LRP1B: variants seen among roughly 807,000 people sequenced by gnomAD.
LRP1B encodes the protein low-density lipoprotein receptor-related protein 1B.
A neutral mutation model predicts 556.6 loss-of-function variants in LRP1B; 217 were observed. The ratio of observed to expected loss-of-function variants is 0.39; its 90% CI spans 0.35 to 0.44. The LOEUF is 0.44. Among genes scored for constraint, LRP1B ranks in the 20% least tolerant of loss-of-function variants. LRP1B has a pLI of 1.00. For missense variants in LRP1B, 5,053 were observed against 5,620.8 expected (o/e 0.90, Z 3.23); for synonymous variants, 2,047 against 1,865.8 (o/e 1.10, Z -2.50).
At chr2:140,762,832 A>T (rs1443480699) in intron 35 of LRP1B, among the ~76,000 whole-genome samples, 2 of 152,168 alleles carry the variant, frequency 1.3e-5, no homozygotes, top group Non-Finnish European at 2.9e-5. Context: ...AGCTTTTTTT[A>T]AATAAATGCT....
intron 77 of LRP1B, among the ~76,000 whole-genome samples, chr2:140,344,287 G>A (rs1681541821): frequency 6.6e-6 from 1 of 151,666 alleles, no homozygotes; most frequent in South Asian, 2.1e-4. Context: ...GAGAAGTTAG[G>A]AGGCTACTGA....
intron 1 of LRP1B, among the ~76,000 whole-genome samples, chr2:142,118,759 T>G (rs925273195): frequency 6.6e-6 from 1 of 152,096 alleles, no homozygotes; most frequent in East Asian, 1.9e-4. Flanking sequence ...TTTCCAAACA[T>G]TTGGCACCCC....
chr2:141,062,974 C>T (rs1036125839), intron 7 of LRP1B, among the ~76,000 whole-genome samples: 2 of 151,824 alleles, frequency 1.3e-5, no homozygotes, highest in Non-Finnish European at 2.9e-5. Context: ...CAAATTCTTT[C>T]ATACTGTGCT....
chr2:140,637,687 C>G (rs1323250570), intron 41 of LRP1B, among the ~76,000 whole-genome samples: 1 of 152,136 alleles, frequency 6.6e-6, no homozygotes, highest in African/African-American at 2.4e-5. Flanking sequence ...ACACCAGAAC[C>G]TGCTGCAGTC....
intron 2 of LRP1B, among the ~76,000 whole-genome samples, chr2:141,594,225 A>G (rs1687437227): frequency 6.6e-6 from 1 of 152,046 alleles, no homozygotes; most frequent in African/African-American, 2.4e-5. Flanking sequence ...TTTGCTTCAT[A>G]AATTCTCAAC....
At chr2:140,992,258 C>A (rs547972055) in intron 16 of LRP1B, among the ~76,000 whole-genome samples, 2 of 151,886 alleles carry the variant, frequency 1.3e-5, no homozygotes, top group Admixed American at 6.6e-5. Flanking sequence ...CACAAAAAAA[C>A]CATGGCTTGG....
intron 1 of LRP1B, among the ~76,000 whole-genome samples, chr2:142,120,663 T>C (rs1707426988): frequency 6.6e-6 from 1 of 152,326 alleles, no homozygotes; most frequent in East Asian, 1.9e-4. Flanking sequence ...TCTTTTGCTA[T>C]TATGCTGGTT....
At chr2:141,739,147 A>G (rs1347091077) in intron 2 of LRP1B, among the ~76,000 whole-genome samples, 1 of 152,128 alleles carries the variant, frequency 6.6e-6, no homozygotes, top group Admixed American at 6.6e-5. Flanking sequence ...AGATTAAATT[A>G]ACCTTAAAAA....
At chr2:141,906,832 T>C (rs993890912) in intron 1 of LRP1B, among the ~76,000 whole-genome samples, 2 of 152,046 alleles carry the variant, frequency 1.3e-5, no homozygotes, top group Non-Finnish European at 2.9e-5. Flanking sequence ...CTTGTAAAAC[T>C]AGATACAGCA....
rs373562730 is a variant in LRP1B, at chr2:140,989,672, G to A, written c.2645-15C>T. On this transcript the variant is annotated splice_polypyrimidine_tract_variant and intron_variant, in intron 16 of 90. Transcript: ENST00000389484. ...GCTATGATTGACTGGGAGGGAGGGG[G>A]AAGCAAGATTAATTATTTAAAATTG... The A allele has an allele frequency of 5.0e-6, 8 of 1,610,782 alleles. No homozygotes were observed. Among genetic ancestry groups the A allele is most frequent in the Middle Eastern group, 1.7e-4 (1 of 6,040 alleles).
intron 7 of LRP1B, among the ~76,000 whole-genome samples, chr2:141,178,163 G>T (rs942161049): frequency 6.6e-6 from 1 of 152,060 alleles, no homozygotes; most frequent in Non-Finnish European, 1.5e-5. Context: ...GAAATACACA[G>T]AGCCCCAGGG....
intron 29 of LRP1B, among the ~76,000 whole-genome samples, chr2:140,847,138 A>C (rs1692296953): frequency 6.6e-6 from 1 of 152,028 alleles, no homozygotes; most frequent in Non-Finnish European, 1.5e-5. Flanking sequence ...TAGGCTTCTG[A>C]TATCTCTTAC....
chr2:141,976,067 A>C (rs552657142), intron 1 of LRP1B, among the ~76,000 whole-genome samples: 1 of 150,348 alleles, frequency 6.7e-6, no homozygotes, highest in East Asian at 1.9e-4. Context: ...CACTCCTATG[A>C]TTTTAAAATT....
chr2:141,193,871 C>T (rs1681632474), intron 6 of LRP1B, among the ~76,000 whole-genome samples: 2 of 151,970 alleles, frequency 1.3e-5, no homozygotes, highest in African/African-American at 2.4e-5. Flanking sequence ...ACTTCATTCT[C>T]CTGGGGAATA....
At chr2:141,872,839 T>C (rs988062158) in intron 1 of LRP1B, among the ~76,000 whole-genome samples, 20 of 151,954 alleles carry the variant, frequency 1.3e-4, no homozygotes, top group Non-Finnish European at 2.9e-4. Flanking sequence ...AATTAAAACA[T>C]TTAAAAAATT....
intron 2 of LRP1B, among the ~76,000 whole-genome samples, chr2:141,524,100 T>C (rs1684613922): frequency 1.3e-5 from 2 of 152,254 alleles, no homozygotes; most frequent in Admixed American, 6.5e-5. Context: ...AAGTATCTTA[T>C]AGCTTTTAGT....
In LRP1B at chr2:140,923,083, A is replaced by G; in HGVS notation, c.3201T>C (p.Val1067=). The change falls in exon 21 of 91, where the codon GTT becomes GTC. Residue 1067 remains valine (V), a synonymous_variant. Transcript: ENST00000389484. ...CTCCATCACAGCGCCACAAATCAGG[A>G]ACGCAATTACCATCAGGGTGGCACT... The part of the protein sequence containing the change: ...EFQCHPDGNC[V]PDLWRCDGEK... The G allele has an allele frequency of 1.2e-6, 2 of 1,613,076 alleles. No individual in the cohort carries two copies. The highest frequency in any genetic ancestry group is 1.7e-6 in the Non-Finnish European group (2 of 1,179,374).
intron 28 of LRP1B, 74 bp downstream of exon 28, chr2:140,851,578 A>G (rs774622805): frequency 5.2e-6 from 8 of 1,542,502 alleles, no homozygotes; most frequent in African/African-American, 1.4e-5. Context: ...AATATGAGTA[A>G]AATCTGAATG....
At chr2:140,788,933 A>G (rs1318827272) in intron 32 of LRP1B, among the ~76,000 whole-genome samples, 1 of 152,220 alleles carries the variant, frequency 6.6e-6, no homozygotes, top group East Asian at 1.9e-4. Context: ...AAAGACTGTG[A>G]GGACACAACA....
Sources: allele counts gnomAD v4.1 joint callset (sites outside exome capture counted in the v4.1 genomes callset), GRCh38; gene constraint gnomAD v4.1.1; transcripts MANE v1.5; gene names NCBI Gene and HGNC (gene_info 2026-07-23, HGNC 2026-07-21).